The following UNC45B variants were observed in gnomAD, a reference collection of about 807,000 sequenced individuals.
UNC45B encodes protein unc-45 homolog B.
UNC45B carries 78 observed loss-of-function variants against 98.7 expected under a neutral mutation model. The ratio of observed to expected loss-of-function variants is 0.79; its 90% CI spans 0.66 to 0.95. The LOEUF (loss-of-function observed/expected upper bound fraction) is 0.95. UNC45B is among the 40% of genes least tolerant of loss of function. The pLI is 0.00. For synonymous variants in UNC45B, 462 were observed against 480.4 expected (o/e 0.96, Z 0.50); for missense variants, 1,225 against 1,184.9 (o/e 1.03, Z -0.50).
intron 8 of UNC45B, among the ~76,000 whole-genome samples, chr17:35,161,685 T>C (rs2092103411): frequency 1.3e-5 from 2 of 152,174 alleles, no homozygotes; most frequent in South Asian, 4.1e-4. Context: ...AAGTGATAAG[T>C]ATCTTTTTGT....
In UNC45B at chr17:35,186,717, TCTC is replaced by T. The variant is rs1371476703; in HGVS notation, c.*161_*163del. On this transcript the variant is annotated 3_prime_UTR_variant, in exon 20 of 20. Coordinates refer to ENST00000394570, the MANE Select transcript of UNC45B (RefSeq NM_001267052.2). ...TGATTGTTCTCTGAGTTGTGAGTCT[TCTC>T]CTTTGTCCTGACAGAGTTTGGATGT... The T allele has an allele frequency of 3.7e-6, 3 of 800,866 alleles. No individual in the cohort carries two copies. Among genetic ancestry groups the T allele is most frequent in the Non-Finnish European group, 5.7e-6 (3 of 526,846 alleles). 49.6% of individuals were successfully genotyped at this position (800,866 alleles called of 1,614,324 possible).
At chr17:35,167,922 G>T in intron 9 of UNC45B, 139 bp from the exon 10 acceptor site, 1 of 674,862 alleles carries the variant, frequency 1.5e-6, no homozygotes, top group Admixed American at 4.1e-5. Context: ...GCTCAGAGAG[G>T]TTCGCTGAAT....
At chr17:35,156,443 T>C (rs758041830) in intron 7 of UNC45B, among the ~76,000 whole-genome samples, 5 of 152,130 alleles carry the variant, frequency 3.3e-5, no homozygotes, top group Non-Finnish European at 5.9e-5. Flanking sequence ...CTGACCAACA[T>C]GGTGAAAACC....
intron 19 of UNC45B, among the ~76,000 whole-genome samples, chr17:35,184,747 C>G (rs566152471): frequency 4.6e-5 from 7 of 152,294 alleles, no homozygotes; most frequent in Non-Finnish European, 8.8e-5. Context: ...GATTGCCAAC[C>G]CACTCCTGGC....
rs1360981560 is a variant in UNC45B, at chr17:35,187,753, T to C, written c.*1194T>C. 1 of 152,212 alleles carries C rather than the reference T, an allele frequency of 6.6e-6. No homozygotes were observed. Among genetic ancestry groups the C allele is most frequent in the African/African-American group, 2.4e-5 (1 of 41,466 alleles). The allele number at this position is 152,212 out of a possible 1,614,324, so 9.4% of individuals were successfully genotyped here. On this transcript the variant is annotated 3_prime_UTR_variant, in exon 20 of 20. Transcript: ENST00000394570. The stretch of plus-strand genomic sequence containing the variant: ...TATGTCAGGCTTGGCCACAAAAGAA[T>C]GACACAAGTAATATGCTGTAGATCA...
chr17:35,154,697 G>A lies in UNC45B; in HGVS notation c.595G>A (p.Ala199Thr), dbSNP rs1357099840. Residue 199 changes from alanine (A) to threonine (T), a missense_variant, in exon 6 of 20, where the codon GCA becomes ACA. Ala to Thr is a moderately conservative substitution (Grantham distance 58, BLOSUM62 0). Coordinates refer to ENST00000394570, the MANE Select transcript of UNC45B (RefSeq NM_001267052.2). ...DTKKPELVLAAVRTLSGMCSG... is the reference protein window; with the variant it reads ...DTKKPELVLATVRTLSGMCSG... Reference sequence around the variant, plus strand: ...TAAGAAGCCTGAGCTGGTGCTGGCTGCAGTGCGGACCCTGTCGGGCATGTG... The same window carrying A: ...TAAGAAGCCTGAGCTGGTGCTGGCTACAGTGCGGACCCTGTCGGGCATGTG... 6.2e-7 allele frequency: 1 copy of A among 1,611,164 alleles called. No individual in the cohort carries two copies. The highest frequency in any genetic ancestry group is 8.5e-7 in the Non-Finnish European group (1 of 1,179,338).
rs542399790 is a variant in UNC45B, at chr17:35,159,440, T to A, written c.874T>A (p.Ser292Thr). 23 of 1,614,098 alleles carry A rather than the reference T, an allele frequency of 1.4e-5. No homozygotes were observed. In the South Asian group the frequency reaches 2.4e-4, roughly 17 times the overall value. Residue 292 changes from serine (S) to threonine (T), a missense_variant, in exon 8 of 20, where the codon TCT becomes ACT. Coordinates refer to ENST00000394570, the MANE Select transcript of UNC45B (RefSeq NM_001267052.2). ...LLDMLVSKKV[S>T]GQGRDQALNL... ...GGACATGCTAGTCAGCAAGAAGGTG[T>A]CTGGCCAGGGCAGGGATCAGGCGCT...
At chr17:35,178,597 T>A (rs1021415244) in intron 17 of UNC45B, among the ~76,000 whole-genome samples, 152 of 152,114 alleles carry the variant, frequency 1.0e-3, no homozygotes, top group African/African-American at 3.5e-3. Context: ...GGTGTTTTAG[T>A]CATGAAGTCT....
At position 35,183,581 on chromosome 17, in the gene UNC45B, T is replaced by A. The variant is rs762198363; in HGVS notation, c.2528T>A (p.Val843Glu). Residue 843 changes from valine to glutamate, a missense_variant and splice_region_variant, in exon 19 of 20, where the codon GTG becomes GAG. Coordinates refer to ENST00000394570, the MANE Select transcript of UNC45B (RefSeq NM_001267052.2). ...HKKLCLKMTQ[V>E]TTQWLEILQR... ...AAACTGTGCCTCAAGATGACTCAAG[T>A]GGTAAGAGCTGGCCCTGGGGATAGG... The A allele has an allele frequency of 3.9e-6, 6 of 1,548,394 alleles. No individual in the cohort carries two copies. The East Asian group carries it at 1.2e-4, about 30-fold the overall frequency.
At chr17:35,148,549 T>C (rs1016351124) in intron 2 of UNC45B, 118 bp downstream of exon 2, 1 of 1,254,144 alleles carries the variant, frequency 8.0e-7, no homozygotes. Flanking sequence ...CCTGGATGCC[T>C]GGGGTTGGAG....
At chr17:35,154,819 T>C (rs111496978) in intron 6 of UNC45B, 78 bp downstream of exon 6, 1 of 1,431,508 alleles carries the variant, frequency 7.0e-7, no homozygotes, top group Non-Finnish European at 9.2e-7. Context: ...TGGTCAGGGC[T>C]GTGGCTGGCA....
chr17:35,177,107 G>A lies in UNC45B; in HGVS notation c.2116G>A (p.Asp706Asn). ...LAKIAAVSNP[D>N]IAFPGERVYE... Reference sequence around the variant, plus strand: ...AAAGATCGCTGCTGTCTCCAATCCGGACATTGCTTTTCCTGGGGAGCGGGT... The same window carrying A: ...AAAGATCGCTGCTGTCTCCAATCCGAACATTGCTTTTCCTGGGGAGCGGGT... Residue 706 changes from aspartate to asparagine, a missense_variant, in exon 16 of 20, where the codon GAC (aspartate) becomes AAC (asparagine). Asp to Asn is a conservative substitution (Grantham distance 23). Coordinates refer to ENST00000394570, the MANE Select transcript of UNC45B (RefSeq NM_001267052.2). 6.2e-7 allele frequency: 1 copy of A among 1,614,186 alleles called. No individual in the cohort carries two copies. Among genetic ancestry groups the A allele is most frequent in the African/African-American group, 1.3e-5 (1 of 75,034 alleles).
chr17:35,154,695 C>A lies in UNC45B; in HGVS notation c.593C>A (p.Ala198Asp), dbSNP rs775299555. 5.8e-5 allele frequency: 93 copies of A among 1,611,406 alleles called. No homozygotes were observed. Among genetic ancestry groups the A allele is most frequent in the Non-Finnish European group, 7.5e-5 (89 of 1,179,386 alleles). The change falls in exon 6 of 20, where the codon GCT (alanine) becomes GAT (aspartate). Residue 198 changes from alanine to aspartate, a missense_variant. Transcript: ENST00000394570. The stretch of plus-strand genomic sequence containing the variant: ...ACTAAGAAGCCTGAGCTGGTGCTGG[C>A]TGCAGTGCGGACCCTGTCGGGCATG... The part of the protein sequence containing the change: ...LDTKKPELVL[A>D]AVRTLSGMCS...
rs146461760 is a variant in UNC45B, at chr17:35,152,804, A to AC, written c.382-87dup. 4,430 of 968,432 alleles carry AC rather than the reference A, an allele frequency of 4.6e-3. 62 individuals carry two copies. Among genetic ancestry groups the AC allele is most frequent in the East Asian group, 0.034 (1,442 of 41,972 alleles). The allele number at this position is 968,432 out of a possible 1,614,324, so 60.0% of individuals were successfully genotyped here. On this transcript the variant is annotated intron_variant, in intron 4 of 19. Transcript: ENST00000394570. ...GTATGTGCGGGAGCCCAGAGTAGAC[A>AC]CCTGATATTTACTGAGATGAACTGA... is the stretch of plus-strand genomic sequence containing the variant.
chr17:35,183,064 G>A (rs1436449113), intron 18 of UNC45B, among the ~76,000 whole-genome samples: 6 of 151,630 alleles, frequency 4.0e-5, no homozygotes, highest in African/African-American at 1.5e-4. Context: ...GACCCTGAAG[G>A]CCCATCCATT....
At chr17:35,180,288 G>GAGAGAGAGAT (rs1372890864) in intron 17 of UNC45B, among the ~76,000 whole-genome samples, 6 of 148,210 alleles carry the variant, frequency 4.0e-5, no homozygotes, top group Non-Finnish European at 9.0e-5. Flanking sequence ...GAGAGAGAGA[G>GAGAGAGAGAT]AATTTCTTTA....
chr17:35,159,642 C>T (rs1212200635), intron 8 of UNC45B, 97 bp downstream of exon 8: 1 of 1,363,898 alleles, frequency 7.3e-7, no homozygotes, highest in African/African-American at 1.4e-5. Flanking sequence ...TTGAAGGGGT[C>T]TTCAGTTCTA....
At chr17:35,177,151 G>A (rs754961842) in intron 16 of UNC45B, 21 bp downstream of exon 16, 5 of 1,606,586 alleles carry the variant, frequency 3.1e-6, no homozygotes, top group Admixed American at 1.7e-5. Flanking sequence ...GGGTAGATGG[G>A]ATAGGGCAAT....
intron 19 of UNC45B, among the ~76,000 whole-genome samples, chr17:35,183,793 A>C (rs753546130): frequency 2.6e-5 from 4 of 152,226 alleles, no homozygotes; most frequent in Non-Finnish European, 5.9e-5. Context: ...GTGCTAGCTC[A>C]AACCCTCCCA....
Sources: allele counts gnomAD v4.1 joint callset (sites outside exome capture counted in the v4.1 genomes callset), GRCh38; gene constraint gnomAD v4.1.1; transcripts MANE v1.5; gene names NCBI Gene and HGNC (gene_info 2026-07-23, HGNC 2026-07-21).